The following HSD17B2 variants were observed in gnomAD, a reference collection of about 807,000 sequenced individuals.
HSD17B2 encodes hydroxysteroid 17-beta dehydrogenase 2, also known as 17-beta-hydroxysteroid dehydrogenase type 2.
In HSD17B2, 32 loss-of-function variants were observed where a neutral mutation model predicts 26.9. The ratio of observed to expected loss-of-function variants is 1.19; its 90% CI spans 0.90 to 1.60. The LOEUF is 1.60. Among genes scored for constraint, HSD17B2 ranks in the 40% most tolerant of loss-of-function variants. The pLI is 0.00. For synonymous variants in HSD17B2, 246 were observed against 186.7 expected (o/e 1.32, Z -2.59); for missense variants, 613 against 468.6 (o/e 1.31, Z -2.85).
At chr16:82,077,435 T>C (rs923022854) in intron 3 of HSD17B2, among the ~76,000 whole-genome samples, 1 of 152,186 alleles carries the variant, frequency 6.6e-6, no homozygotes, top group African/African-American at 2.4e-5. Context: ...ATTCAATAAA[T>C]GGTGCTGAGA....
intron 1 of HSD17B2, among the ~76,000 whole-genome samples, chr16:82,059,489 G>C (rs1448239800): frequency 1.3e-5 from 2 of 152,186 alleles, no homozygotes; most frequent in African/African-American, 2.4e-5. Flanking sequence ...CCCTATCCAG[G>C]CCAATTAAAT....
Position 82,038,384 on chromosome 16 carries a change from C to G in HSD17B2, c.265+2695C>G, listed in dbSNP as rs966755156. Among the ~76,000 whole-genome samples, 4 of 152,064 alleles carry G rather than the reference C, an allele frequency of 2.6e-5. No individual in the cohort carries two copies. The East Asian group carries it at 7.7e-4, about 29-fold the overall frequency. On this transcript the variant is annotated intron_variant, in intron 1 of 4. Transcript: ENST00000199936. ...TTATTTTTTGAGATGGGGTCTCAAT[C>G]TGTTGCCCAGGCTGGAGTGCAGTGG...
At chr16:82,046,995 T>C (rs896554722) in intron 1 of HSD17B2, among the ~76,000 whole-genome samples, 23 of 152,206 alleles carry the variant, frequency 1.5e-4, no homozygotes, top group Admixed American at 6.5e-5. Flanking sequence ...TGCCATCTTT[T>C]TCAGACCTGC....
At chr16:82,088,839 G>C (rs1904603368) in intron 3 of HSD17B2, among the ~76,000 whole-genome samples, 1 of 152,170 alleles carries the variant, frequency 6.6e-6, no homozygotes, top group South Asian at 2.1e-4. Context: ...GACCTTTTGT[G>C]TTTAAGTGAC....
intron 1 of HSD17B2, among the ~76,000 whole-genome samples, chr16:82,044,132 T>C (rs571203211): frequency 1.3e-5 from 2 of 152,316 alleles, no homozygotes; most frequent in South Asian, 2.1e-4. Context: ...TTTCTTGACA[T>C]TCCTCTGAGC....
At chr16:82,082,362 A>G (rs1322344723) in intron 3 of HSD17B2, among the ~76,000 whole-genome samples, 1 of 152,114 alleles carries the variant, frequency 6.6e-6, no homozygotes, top group African/African-American at 2.4e-5. Context: ...TGAAAGTTCA[A>G]ACTCCCAAAA....
intron 1 of HSD17B2, among the ~76,000 whole-genome samples, chr16:82,047,536 T>C (rs980452566): frequency 3.3e-5 from 5 of 152,172 alleles, no homozygotes; most frequent in African/African-American, 7.2e-5. Flanking sequence ...AGCCAGTATA[T>C]TGCAGGACAG....
At chr16:82,085,543 G>A (rs1481849668) in intron 3 of HSD17B2, among the ~76,000 whole-genome samples, 1 of 151,920 alleles carries the variant, frequency 6.6e-6, no homozygotes, top group East Asian at 1.9e-4. Flanking sequence ...TTTCCAGGCT[G>A]TTAAGCAAGA....
intron 3 of HSD17B2, among the ~76,000 whole-genome samples, chr16:82,085,107 C>G (rs1904487210): frequency 1.3e-5 from 2 of 152,230 alleles, no homozygotes; most frequent in African/African-American, 4.8e-5. Context: ...ATTAAAAGAT[C>G]TAGAAGAGTT....
At chr16:82,077,050 A>G (rs907029434) in intron 3 of HSD17B2, among the ~76,000 whole-genome samples, 2 of 152,264 alleles carry the variant, frequency 1.3e-5, no homozygotes, top group African/African-American at 4.8e-5. Flanking sequence ...TTCCATGTCC[A>G]TAGGTTGGAA....
At chr16:82,095,884 T>G (rs1043278551) in intron 4 of HSD17B2, 1 of 152,192 alleles carries the variant, frequency 6.6e-6, no homozygotes, top group Non-Finnish European at 1.5e-5. Flanking sequence ...TTCTTCTATG[T>G]GTATGTATGT....
At chr16:82,072,208 T>C (rs1178934654) in intron 3 of HSD17B2, among the ~76,000 whole-genome samples, 2 of 151,382 alleles carry the variant, frequency 1.3e-5, no homozygotes, top group African/African-American at 4.9e-5. Context: ...AAGAAGAAGG[T>C]AGGGAGAGAG....
intron 3 of HSD17B2, among the ~76,000 whole-genome samples, chr16:82,080,104 C>A (rs909424392): frequency 6.6e-6 from 1 of 152,162 alleles, no homozygotes; most frequent in Non-Finnish European, 1.5e-5. Flanking sequence ...CCAGGAAAAA[C>A]TGAGCTGGAA....
chr16:82,061,336 T>C (rs1384797885), intron 1 of HSD17B2, among the ~76,000 whole-genome samples: 3 of 152,180 alleles, frequency 2.0e-5, no homozygotes, highest in Non-Finnish European at 2.9e-5. Context: ...TCCAATTACT[T>C]TAATATATCA....
intron 1 of HSD17B2, among the ~76,000 whole-genome samples, chr16:82,040,829 C>G (rs1159661853): frequency 6.6e-6 from 1 of 152,114 alleles, no homozygotes; most frequent in African/African-American, 2.4e-5. Flanking sequence ...TGAAGTGTCA[C>G]TGGAAATTGG....
At chr16:82,096,316 G>T (rs1904837402) in intron 4 of HSD17B2, 1 of 152,122 alleles carries the variant, frequency 6.6e-6, no homozygotes, top group Non-Finnish European at 1.5e-5. Flanking sequence ...CTGCCTCCTG[G>T]GTTCAAGCAA....
rs143419439 is a variant in HSD17B2 at position 82,037,942 on chromosome 16, G to C, written c.265+2253G>C. Among the ~76,000 whole-genome samples the C allele has an allele frequency of 9.7e-3, 1,470 of 152,266 alleles. 18 individuals carry two copies. Among genetic ancestry groups the C allele is most frequent in the African/African-American group, 0.034 (1,411 of 41,538 alleles). ...AATAGTTTGTAAATGAAAGGAAATA[G>C]TTTATAAAGGAAATAGTTGGTTAAT... On this transcript the variant is annotated intron_variant, in intron 1 of 4. Transcript: ENST00000199936.
chr16:82,036,470 G>T (rs529982854), intron 1 of HSD17B2, among the ~76,000 whole-genome samples: 2 of 151,540 alleles, frequency 1.3e-5, no homozygotes, highest in Admixed American at 6.6e-5. Context: ...ATTATCCAGC[G>T]TTATCCTAAC....
intron 1 of HSD17B2, among the ~76,000 whole-genome samples, chr16:82,049,383 ACGGGTCATGTC>A (rs1914036640): frequency 6.6e-6 from 1 of 152,226 alleles, no homozygotes; most frequent in Non-Finnish European, 1.5e-5. Flanking sequence ...CTCCTAGATG[ACGGGTCATGTC>A]ATTCATGTGC....
Sources: allele counts gnomAD v4.1 joint callset (sites outside exome capture counted in the v4.1 genomes callset), GRCh38; gene constraint gnomAD v4.1.1; transcripts MANE v1.5; gene names NCBI Gene and HGNC (gene_info 2026-07-23, HGNC 2026-07-21).